ANXA9: variants seen among roughly 807,000 people sequenced by gnomAD.
The protein encoded by ANXA9 is annexin A9.
ANXA9 carries 47 observed loss-of-function variants against 51.8 expected under a neutral mutation model. The observed-to-expected ratio is 0.91, with a 90% CI of 0.72 to 1.16. ANXA9 has a LOEUF of 1.16. Ranked by LOEUF, ANXA9 falls within the 50% of genes most tolerant of loss-of-function variation. The pLI is 0.00. For synonymous variants in ANXA9, 154 were observed against 168.7 expected (o/e 0.91, Z 0.68); for missense variants, 361 against 424.7 (o/e 0.85, Z 1.32).
intron 12 of ANXA9, among the ~76,000 whole-genome samples, chr1:150,988,838 A>G (rs749216113): frequency 9.2e-5 from 14 of 152,122 alleles, no homozygotes; most frequent in Non-Finnish European, 7.4e-5. Context: ...CGTAGCTAGT[A>G]AGTTATACAG....
rs762802671 is a variant in ANXA9 at position 150,988,172 on chromosome 1, C to T, written c.779C>T (p.Ala260Val). 2 of 1,614,266 alleles carry T rather than the reference C, an allele frequency of 1.2e-6. No individual in the cohort carries two copies. The highest frequency in any genetic ancestry group is 8.5e-7 in the Non-Finnish European group (1 of 1,180,050). The change falls in exon 11 of 14, where the codon GCT becomes GTT. Residue 260 changes from alanine to valine, a missense_variant. Physicochemically the swap from Ala to Val is moderately conservative, Grantham distance 64 (BLOSUM62 0). Coordinates refer to ENST00000368947, the MANE Select transcript of ANXA9 (RefSeq NM_003568.3). ...QNRFHGDAQV[A>V]LLGLASVIKN... ...CGTTTCCATGGAGATGCTCAGGTGGCTCTGCTCGGCCTAGGTAGGGGCCTG... is the reference window on the plus strand; with the variant it reads ...CGTTTCCATGGAGATGCTCAGGTGGTTCTGCTCGGCCTAGGTAGGGGCCTG...
chr1:150,988,010 G>C, intron 10 of ANXA9, 54 bp downstream of exon 10: 2 of 1,613,746 alleles, frequency 1.2e-6, no homozygotes, highest in Non-Finnish European at 1.7e-6. Flanking sequence ...AGTTTGGGCT[G>C]AGGAAGGTGG....
At chr1:150,992,671 G>A (rs1018429812) in intron 12 of ANXA9, among the ~76,000 whole-genome samples, 2 of 152,088 alleles carry the variant, frequency 1.3e-5, no homozygotes, top group African/African-American at 2.4e-5. Flanking sequence ...TTAGCTGGGC[G>A]TTTGGCACAT....
At chr1:150,988,219 C>G (rs1234676054) in intron 11 of ANXA9, 33 bp downstream of exon 11, 1 of 1,613,902 alleles carries the variant, frequency 6.2e-7, no homozygotes, top group Non-Finnish European at 8.5e-7. Flanking sequence ...TGAAGTAAGT[C>G]TCTCTTGGGA....
chr1:150,984,662 C>A lies in ANXA9; in HGVS notation c.458C>A (p.Ala153Glu), dbSNP rs756894684. ...CCACCCCAGCTGCAGGAGTGCCTGG[C>A]AGTCTACAAACACAGTAAGAATATA... ...RTPPQLQECL[A>E]VYKHNFQVEA... The change falls in exon 7 of 14, where the codon GCA becomes GAA. Residue 153 changes from alanine to glutamate, a missense_variant. Ala to Glu is a moderately radical substitution (Grantham distance 107, BLOSUM62 -1). Coordinates refer to ENST00000368947, the MANE Select transcript of ANXA9 (RefSeq NM_003568.3). The A allele has an allele frequency of 6.2e-7, 1 of 1,613,908 alleles. No individual in the cohort carries two copies. Among genetic ancestry groups the A allele is most frequent in the Non-Finnish European group, 8.5e-7 (1 of 1,179,930 alleles).
chr1:150,994,879 G>A (rs1671799338), intron 13 of ANXA9, 180 bp downstream of exon 13: 1 of 921,892 alleles, frequency 1.1e-6, no homozygotes, highest in Non-Finnish European at 1.3e-6. Context: ...GGATCACGAG[G>A]TCAGGAGTTC....
upstream of ANXA9, among the ~76,000 whole-genome samples, chr1:150,978,997 C>T (rs587763855): frequency 2.5e-4 from 38 of 151,750 alleles, no homozygotes; most frequent in African/African-American, 9.2e-4. Context: ...TAGATTAGAT[C>T]CTCTCTAAGA....
intron 7 of ANXA9, among the ~76,000 whole-genome samples, chr1:150,985,557 A>G (rs587625337): frequency 1.7e-5 from 2 of 117,612 alleles, no homozygotes; most frequent in South Asian, 5.0e-4. Context: ...TTTTCCTTTG[A>G]TGTCTAATCT....
At position 150,987,927 on chromosome 1, in the gene ANXA9, C is replaced by A. The variant is rs587674013; in HGVS notation, c.668C>A (p.Thr223Asn). The change falls in exon 10 of 14, where the codon ACC becomes AAC. Residue 223 changes from threonine to asparagine, a missense_variant. Thr to Asn is a moderately conservative substitution (Grantham distance 65, BLOSUM62 0). Transcript: ENST00000368947. ...GAGGAAACATGGGTCCCAGTCTTCA[C>A]CCAGCGAAATCCTGAACACCTCATC... ...SREETWVPVF[T>N]QRNPEHLIRV... 98 of 1,614,114 alleles carry A rather than the reference C, an allele frequency of 6.1e-5. No homozygotes were observed. The South Asian group carries it at 1.1e-3, about 17-fold the overall frequency.
chr1:150,984,199 C>A, intron 5 of ANXA9, 82 bp from the exon 6 acceptor site: 1 of 1,535,044 alleles, frequency 6.5e-7, no homozygotes, highest in Non-Finnish European at 9.0e-7. Flanking sequence ...TGAAAACCAG[C>A]CAAATCTTCC....
At chr1:150,985,884 C>T (rs1038603777) in intron 7 of ANXA9, among the ~76,000 whole-genome samples, 1 of 151,766 alleles carries the variant, frequency 6.6e-6, no homozygotes, top group Admixed American at 6.6e-5. Flanking sequence ...TGTTCTTAAT[C>T]CCTCTCCTAC....
At chr1:150,985,654 C>T (rs1024442468) in intron 7 of ANXA9, among the ~76,000 whole-genome samples, 1 of 152,088 alleles carries the variant, frequency 6.6e-6, no homozygotes, top group African/African-American at 2.4e-5. Context: ...CAGCCTTGAC[C>T]CTTCTGGGCT....
intron 12 of ANXA9, among the ~76,000 whole-genome samples, chr1:150,990,703 CA>C (rs1422172077): frequency 5.3e-5 from 8 of 152,182 alleles, no homozygotes; most frequent in Middle Eastern, 3.4e-3. Flanking sequence ...AAAAATTAGC[CA>C]GGGGGTAGTG....
At position 150,987,960 on chromosome 1, in the gene ANXA9, C is replaced by T. The variant is rs780388517; in HGVS notation, c.697+4C>T. On this transcript the variant is annotated splice_donor_region_variant and intron_variant, in intron 10 of 13. Coordinates refer to ENST00000368947, the MANE Select transcript of ANXA9 (RefSeq NM_003568.3). ...AATCCTGAACACCTCATCCGAGGTACACACAAGCCTTCTTGTCCCCCTAGC... is the reference window on the plus strand; with the variant it reads ...AATCCTGAACACCTCATCCGAGGTATACACAAGCCTTCTTGTCCCCCTAGC... The T allele has an allele frequency of 2.5e-6, 4 of 1,614,082 alleles. No homozygotes were observed. Among genetic ancestry groups the T allele is most frequent in the Non-Finnish European group, 3.4e-6 (4 of 1,179,990 alleles).
At chr1:150,989,905 G>A (rs966564908) in intron 12 of ANXA9, among the ~76,000 whole-genome samples, 1 of 152,166 alleles carries the variant, frequency 6.6e-6, no homozygotes, top group Non-Finnish European at 1.5e-5. Context: ...GTACTTATCT[G>A]TCCAAATTCC....
rs765434593 is a variant in ANXA9, at chr1:150,984,632, G to A, written c.428G>A (p.Arg143Gln). The A allele has an allele frequency of 9.9e-6, 16 of 1,613,980 alleles. No individual in the cohort carries two copies. Among genetic ancestry groups the A allele is most frequent in the Middle Eastern group, 1.7e-4 (1 of 6,060 alleles). ...GTGGCCATTGAAATTCTTGCCACTC[G>A]AACCCCACCCCAGCTGCAGGAGTGC... ...VDVAIEILAT[R>Q]TPPQLQECLA... Residue 143 changes from arginine (R) to glutamine (Q), a missense_variant, in exon 7 of 14, where the codon CGA becomes CAA. Transcript: ENST00000368947.
rs765928855 is a variant in ANXA9, at chr1:150,995,370, G to C, written c.*48G>C. 54 of 1,557,584 alleles carry C rather than the reference G, an allele frequency of 3.5e-5. 2 individuals carry two copies. The South Asian group carries it at 6.4e-4, about 19-fold the overall frequency. The stretch of plus-strand genomic sequence containing the variant: ...TGACATCCGAGGATCTGAGATTTCC[G>C]TGTTTGGCTGAACCTGGGAGACCAG... On this transcript the variant is annotated 3_prime_UTR_variant, in exon 14 of 14. Transcript: ENST00000368947.
In ANXA9 at chr1:150,995,395, G is replaced by A. The variant is rs1360563521; in HGVS notation, c.*73G>A. On this transcript the variant is annotated 3_prime_UTR_variant, in exon 14 of 14. Transcript: ENST00000368947. Reference sequence around the variant, plus strand: ...GTGTTTGGCTGAACCTGGGAGACCAGCTGGGCCTCCAAGTAGGATAACCCC... The same window carrying A: ...GTGTTTGGCTGAACCTGGGAGACCAACTGGGCCTCCAAGTAGGATAACCCC... 1.4e-6 allele frequency: 2 copies of A among 1,435,084 alleles called. No homozygotes were observed. Among genetic ancestry groups the A allele is most frequent in the Non-Finnish European group, 1.9e-6 (2 of 1,050,746 alleles). The allele number at this position is 1,435,084 out of a possible 1,614,324, so 88.9% of individuals were successfully genotyped here.
chr1:150,989,338 G>A (rs1671643508), intron 12 of ANXA9, among the ~76,000 whole-genome samples: 1 of 150,964 alleles, frequency 6.6e-6, no homozygotes. Context: ...ATAGAATCCA[G>A]TTATTCTGTT....
Sources: allele counts gnomAD v4.1 joint callset (sites outside exome capture counted in the v4.1 genomes callset), GRCh38; gene constraint gnomAD v4.1.1; transcripts MANE v1.5; gene names NCBI Gene and HGNC (gene_info 2026-07-23, HGNC 2026-07-21).